Variants in SHOC2 observed in about 807,000 individuals in gnomAD.
The protein encoded by SHOC2 is SHOC2 leucine rich repeat scaffold protein.
Under a neutral mutation model 50.2 loss-of-function variants are expected in SHOC2, and 4 were observed. The observed-to-expected ratio is 0.08, with a 90% CI of 0.04 to 0.18. The LOEUF is 0.18. Among genes scored for constraint, SHOC2 ranks in the 10% least tolerant of loss-of-function variants. The pLI is 1.00. For missense variants in SHOC2, 388 were observed against 669.6 expected (o/e 0.58, Z 4.64); for synonymous variants, 218 against 244.5 (o/e 0.89, Z 1.01).
chr10:110,957,346 T>G (rs1847483923), intron 1 of SHOC2, among the ~76,000 whole-genome samples: 1 of 152,220 alleles, frequency 6.6e-6, no homozygotes, highest in African/African-American at 2.4e-5. Flanking sequence ...ACTGTTGTGA[T>G]TGAAAGCTTA....
chr10:110,976,754 G>C (rs753189855), intron 2 of SHOC2, among the ~76,000 whole-genome samples: 5 of 152,062 alleles, frequency 3.3e-5, no homozygotes, highest in Non-Finnish European at 7.4e-5. Flanking sequence ...CTGTTATTCT[G>C]ATCTTGGAGT....
At chr10:110,928,981 C>T (rs1293874637) in intron 1 of SHOC2, among the ~76,000 whole-genome samples, 1 of 152,084 alleles carries the variant, frequency 6.6e-6, no homozygotes, top group African/African-American at 2.4e-5. Flanking sequence ...GGCTTTTTCT[C>T]AATTGGAACT....
chr10:111,003,907 C>G (rs1848424051), intron 4 of SHOC2, among the ~76,000 whole-genome samples: 1 of 152,056 alleles, frequency 6.6e-6, no homozygotes, highest in Non-Finnish European at 1.5e-5. Flanking sequence ...AGAGCTTAAT[C>G]TTCTTTACCG....
In SHOC2 at chr10:110,982,205, A is replaced by C. The variant is rs1391681370; in HGVS notation, c.704-3423A>C. ...TGAACTCATCATTTTTTATGGCTGC[A>C]TAGTATTCCATGGTGTATATGTGCC... On this transcript the variant is annotated intron_variant, in intron 2 of 8. Transcript: ENST00000369452. Among the ~76,000 whole-genome samples the C allele has an allele frequency of 1.7e-4, 25 of 148,912 alleles. No individual in the cohort carries two copies. The South Asian group carries it at 5.2e-3, about 31-fold the overall frequency.
intron 1 of SHOC2, among the ~76,000 whole-genome samples, chr10:110,961,374 G>A (rs1261609666): frequency 3.3e-5 from 5 of 152,102 alleles, no homozygotes; most frequent in Non-Finnish European, 7.4e-5. Flanking sequence ...ACGTTTGACA[G>A]TGTCACCTGA....
chr10:111,010,756 T>A (rs1848552138), intron 8 of SHOC2, among the ~76,000 whole-genome samples: 2 of 151,912 alleles, frequency 1.3e-5, no homozygotes, highest in African/African-American at 4.9e-5. Flanking sequence ...TGACTTTAGG[T>A]AAGGTATGTA....
chr10:110,946,821 T>G (rs562952655), intron 1 of SHOC2, among the ~76,000 whole-genome samples: 125 of 152,306 alleles, frequency 8.2e-4, no homozygotes, highest in Middle Eastern at 3.4e-3. Flanking sequence ...CCTTTTATTT[T>G]GAAAGATGGG....
chr10:110,937,715 A>G (rs1484350224), intron 1 of SHOC2, among the ~76,000 whole-genome samples: 2 of 152,224 alleles, frequency 1.3e-5, no homozygotes, highest in East Asian at 3.8e-4. Context: ...GAAAGCCAAA[A>G]ATAGTTCATT....
In SHOC2 at chr10:110,968,840, G is replaced by A. The variant is rs58549226; in HGVS notation, c.703+3779G>A. On this transcript the variant is annotated intron_variant, in intron 2 of 8. Transcript: ENST00000369452. The stretch of plus-strand genomic sequence containing the variant: ...AATTTTTTTAAAATTAGGAGTTTTC[G>A]AAATAGAGCCTACTATTTAGTTTAA... 1.2e-3 allele frequency among the ~76,000 whole-genome samples: 179 copies of A among 152,080 alleles called. 2 individuals are homozygous for A. Among genetic ancestry groups the A allele is most frequent in the African/African-American group, 4.0e-3 (166 of 41,512 alleles).
At chr10:110,925,993 A>G (rs1458360392) in intron 1 of SHOC2, among the ~76,000 whole-genome samples, 1 of 152,228 alleles carries the variant, frequency 6.6e-6, no homozygotes, top group Non-Finnish European at 1.5e-5. Flanking sequence ...GATTACTTAT[A>G]GGAAACTAAA....
chr10:110,937,491 T>C (rs1319704035), intron 1 of SHOC2, among the ~76,000 whole-genome samples: 1 of 152,218 alleles, frequency 6.6e-6, no homozygotes, highest in Non-Finnish European at 1.5e-5. Context: ...CCCTCTCATA[T>C]GTTATGGTTA....
chr10:110,921,363 AAATAGAC>A (rs1292506582), intron 1 of SHOC2, among the ~76,000 whole-genome samples: 4 of 152,224 alleles, frequency 2.6e-5, no homozygotes, highest in Non-Finnish European at 5.9e-5. Context: ...CACATTTGAA[AAATAGAC>A]AAAAATAAAC....
intron 1 of SHOC2, among the ~76,000 whole-genome samples, chr10:110,921,254 G>T (rs1485696190): frequency 6.6e-6 from 1 of 152,152 alleles, no homozygotes; most frequent in Non-Finnish European, 1.5e-5. Context: ...GTATGCAAAT[G>T]ACCATTCGCC....
intron 5 of SHOC2, 147 bp downstream of exon 5, chr10:111,004,941 G>C: frequency 2.9e-6 from 2 of 679,590 alleles, no homozygotes; most frequent in Non-Finnish European, 5.3e-6. Flanking sequence ...AGGGTACTTT[G>C]TATCAGATAA....
chr10:110,930,980 A>G (rs1320153672), intron 1 of SHOC2, among the ~76,000 whole-genome samples: 2 of 152,080 alleles, frequency 1.3e-5, no homozygotes, highest in Non-Finnish European at 2.9e-5. Context: ...TGGATTGGGT[A>G]AACAGGAATT....
chr10:111,003,298 C>G (rs186315370), intron 4 of SHOC2, among the ~76,000 whole-genome samples: 11 of 152,302 alleles, frequency 7.2e-5, no homozygotes, highest in African/African-American at 2.6e-4. Flanking sequence ...ACAGTGCTTG[C>G]TTCTCCCTGC....
At chr10:110,939,278 G>T (rs1017752599) in intron 1 of SHOC2, among the ~76,000 whole-genome samples, 1 of 151,952 alleles carries the variant, frequency 6.6e-6, no homozygotes, top group African/African-American at 2.4e-5. Flanking sequence ...GAGTGCAGTG[G>T]CACCATCATG....
intron 1 of SHOC2, among the ~76,000 whole-genome samples, chr10:110,943,443 A>G (rs1847189621): frequency 6.6e-6 from 1 of 152,150 alleles, no homozygotes; most frequent in Non-Finnish European, 1.5e-5. Context: ...CTCTGTATTG[A>G]TATTCCCTAT....
chr10:111,007,690 T>G, intron 6 of SHOC2, 37 bp downstream of exon 6: 1 of 1,605,372 alleles, frequency 6.2e-7, no homozygotes, highest in Non-Finnish European at 8.5e-7. Context: ...CTTCAGAACC[T>G]TCCATACGTA....
Sources: gnomAD v4.1 joint callset for allele counts (sites outside exome capture counted in the v4.1 genomes callset) on GRCh38, gnomAD v4.1.1 for gene constraint, MANE v1.5 for transcripts, NCBI Gene and HGNC (gene_info 2026-07-23, HGNC 2026-07-21) for gene names.